C16orf78: variants seen among roughly 807,000 people sequenced by gnomAD.
C16orf78 encodes the protein uncharacterized protein C16orf78.
In C16orf78, 19 loss-of-function variants were observed where a neutral mutation model predicts 27.3. The observed-to-expected ratio is 0.70, with a 90% CI of 0.49 to 1.02. The LOEUF (loss-of-function observed/expected upper bound fraction) is 1.02, where lower values mean the gene tolerates loss of function less well. Ranked by LOEUF, C16orf78 falls within the 50% of genes least tolerant of loss-of-function variation. C16orf78 has a pLI of 0.00. For missense variants in C16orf78, 339 were observed against 337.0 expected, an observed-to-expected ratio of 1.01 and a Z score of -0.05; for synonymous variants, 130 against 116.1, an observed-to-expected ratio of 1.12 and a Z score of -0.77.
intron 3 of C16orf78, among the ~76,000 whole-genome samples, chr16:49,396,164 C>A (rs1454619004): frequency 6.6e-6 from 1 of 152,070 alleles, no homozygotes; most frequent in African/African-American, 2.4e-5. Flanking sequence ...ATCACTTGAA[C>A]CTGTGAGATA....
chr16:49,397,794 C>T (rs936066074), intron 4 of C16orf78, among the ~76,000 whole-genome samples: 1 of 152,170 alleles, frequency 6.6e-6, no homozygotes, highest in Non-Finnish European at 1.5e-5. Flanking sequence ...TTGAGACAGC[C>T]TCTCTCTGTC....
intron 3 of C16orf78, among the ~76,000 whole-genome samples, chr16:49,379,068 C>T (rs888670335): frequency 6.6e-6 from 1 of 152,094 alleles, no homozygotes; most frequent in African/African-American, 2.4e-5. Context: ...GGGTCCTGAC[C>T]CTGGCTCTAC....
intron 3 of C16orf78, among the ~76,000 whole-genome samples, 187 bp downstream of exon 3, chr16:49,378,780 G>A (rs1023964276): frequency 2.0e-5 from 3 of 152,152 alleles, no homozygotes; most frequent in Admixed American, 6.5e-5. Context: ...CTCTTGGCAA[G>A]CAGGGTGTGA....
chr16:49,380,400 T>G, intron 3 of C16orf78, among the ~76,000 whole-genome samples: 1 of 152,222 alleles, frequency 6.6e-6, no homozygotes, highest in East Asian at 1.9e-4. Context: ...TAGATTGCCT[T>G]ATGCCTTATG....
At chr16:49,377,692 C>T (rs774069771) in intron 1 of C16orf78, 39 bp from the exon 2 acceptor site, 5 of 1,589,998 alleles carry the variant, frequency 3.1e-6, no homozygotes, top group Non-Finnish European at 4.3e-6. Context: ...GCTGTCCCCA[C>T]AGCAGTGGCT....
chr16:49,385,654 C>CAA (rs1212909662), intron 3 of C16orf78, among the ~76,000 whole-genome samples: 6 of 88,714 alleles, frequency 6.8e-5, no homozygotes, highest in African/African-American at 1.2e-4. Flanking sequence ...GACTCCATCT[C>CAA]AAAAAAAAAA....
At chr16:49,384,367 A>G (rs1373644845) in intron 3 of C16orf78, among the ~76,000 whole-genome samples, 1 of 149,472 alleles carries the variant, frequency 6.7e-6, no homozygotes, top group African/African-American at 2.5e-5. Context: ...AAAAAAAAAA[A>G]AGCAGAAAAC....
intron 3 of C16orf78, among the ~76,000 whole-genome samples, chr16:49,387,971 C>A (rs1171936638): frequency 1.3e-5 from 2 of 151,924 alleles, no homozygotes; most frequent in Non-Finnish European, 2.9e-5. Flanking sequence ...AGCTAGCAGT[C>A]TATTTGTTTT....
At chr16:49,396,312 C>T in intron 3 of C16orf78, 111 bp from the exon 4 acceptor site, 2 of 1,249,162 alleles carry the variant, frequency 1.6e-6, no homozygotes, top group Non-Finnish European at 2.3e-6. Context: ...TATCTCAGAA[C>T]AGGTACGGTT....
intron 3 of C16orf78, among the ~76,000 whole-genome samples, chr16:49,390,494 A>T (rs568886519): frequency 6.6e-6 from 1 of 152,174 alleles, no homozygotes; most frequent in South Asian, 2.1e-4. Context: ...CCAATACCTA[A>T]TCTTCTGTTA....
chr16:49,393,502 G>A (rs1466616573), intron 3 of C16orf78, among the ~76,000 whole-genome samples: 3 of 152,106 alleles, frequency 2.0e-5, no homozygotes, highest in Non-Finnish European at 2.9e-5. Flanking sequence ...TGGAAATTAA[G>A]AAACACACTT....
At chr16:49,376,958 T>C (rs963512506) in intron 1 of C16orf78, among the ~76,000 whole-genome samples, 2 of 151,938 alleles carry the variant, frequency 1.3e-5, no homozygotes, top group African/African-American at 4.8e-5. Context: ...TCCAGTCTAT[T>C]TAGTTTCTGC....
At chr16:49,381,269 G>A (rs1390946414) in intron 3 of C16orf78, among the ~76,000 whole-genome samples, 1 of 152,168 alleles carries the variant, frequency 6.6e-6, no homozygotes, top group Non-Finnish European at 1.5e-5. Context: ...CCATGAGCAT[G>A]GAATGTTCTT....
At chr16:49,391,100 A>C (rs892395393) in intron 3 of C16orf78, among the ~76,000 whole-genome samples, 2 of 152,250 alleles carry the variant, frequency 1.3e-5, no homozygotes, top group African/African-American at 4.8e-5. Context: ...TGGCCTTTCC[A>C]AAACATAAAC....
At chr16:49,380,731 G>A (rs1965275852) in intron 3 of C16orf78, among the ~76,000 whole-genome samples, 1 of 152,210 alleles carries the variant, frequency 6.6e-6, no homozygotes, top group African/African-American at 2.4e-5. Context: ...GAATGGTAAT[G>A]CCTAAGTTTT....
At chr16:49,399,059 G>A in intron 4 of C16orf78, 72 bp from the exon 5 acceptor site, 1 of 1,520,382 alleles carries the variant, frequency 6.6e-7, no homozygotes, top group Non-Finnish European at 9.0e-7. Flanking sequence ...TCAAATCTAA[G>A]CTCTTTTCAA....
At chr16:49,397,680 C>T (rs1046224198) in intron 4 of C16orf78, among the ~76,000 whole-genome samples, 1 of 152,134 alleles carries the variant, frequency 6.6e-6, no homozygotes, top group Non-Finnish European at 1.5e-5. Flanking sequence ...GACTCCTGCC[C>T]TCCAAAGAGA....
In C16orf78 at chr16:49,397,627, A is replaced by C. The variant is rs79598841; in HGVS notation, c.650+949A>C. The stretch of plus-strand genomic sequence containing the variant: ...TTCTAATTGACTCTGGGCAACAGAC[A>C]GCCTACCCGGGTTCCATGGTGGGGG... On this transcript the variant is annotated intron_variant, in intron 4 of 4. Transcript: ENST00000299191. Among the ~76,000 whole-genome samples the C allele has an allele frequency of 5.8e-3, 881 of 152,322 alleles. 10 individuals carry two copies. Among genetic ancestry groups the C allele is most frequent in the African/African-American group, 0.02 (846 of 41,576 alleles).
chr16:49,394,109 A>T (rs927998561), intron 3 of C16orf78, among the ~76,000 whole-genome samples: 1 of 152,120 alleles, frequency 6.6e-6, no homozygotes, highest in African/African-American at 2.4e-5. Context: ...ACTAAGACAA[A>T]TGGTTTCATG....
Sources: gnomAD v4.1 joint callset for allele counts (sites outside exome capture counted in the v4.1 genomes callset) on GRCh38, gnomAD v4.1.1 for gene constraint, MANE v1.5 for transcripts, NCBI Gene and HGNC (gene_info 2026-07-23, HGNC 2026-07-21) for gene names.